The following ANKRD27 variants were observed in gnomAD, a reference collection of about 807,000 sequenced individuals.
ANKRD27 encodes ankyrin repeat domain 27.
A neutral mutation model predicts 129.7 loss-of-function variants in ANKRD27; 112 were observed. The ratio of observed to expected loss-of-function variants is 0.86; its 90% CI spans 0.74 to 1.01. ANKRD27 has a LOEUF of 1.01. Ranked by LOEUF, ANKRD27 falls within the 50% of genes least tolerant of loss-of-function variation. The pLI, the probability that ANKRD27 is intolerant of heterozygous loss-of-function variation, is 0.00. For synonymous variants in ANKRD27, 516 were observed against 511.2 expected (o/e 1.01, Z -0.13); for missense variants, 1,258 against 1,300.5 (o/e 0.97, Z 0.50).
At chr19:32,629,569 A>G (rs1966952953) in intron 13 of ANKRD27, among the ~76,000 whole-genome samples, 2 of 152,122 alleles carry the variant, frequency 1.3e-5, no homozygotes, top group Non-Finnish European at 1.5e-5. Flanking sequence ...ATGTGGTGGC[A>G]GACGCCTGTA....
rs1465785952 is a variant in ANKRD27, at chr19:32,617,615, C to T, written c.2026G>A (p.Ala676Thr). 6 of 755,784 alleles carry T rather than the reference C, an allele frequency of 7.9e-6. No homozygotes were observed. The highest frequency in any genetic ancestry group is 1.7e-5 in the African/African-American group (1 of 57,676). 46.8% of individuals were successfully genotyped at this position (755,784 alleles called of 1,614,324 possible). Reference protein sequence around the residue: ...DYREVEKLLRAVADGDLEMVR... With the variant: ...DYREVEKLLRTVADGDLEMVR... The stretch of plus-strand genomic sequence containing the variant: ...ATTTCTAGATCTCCATCAGCAACTG[C>T]TCTCAAAAGTTTTTCTACCTTAATA... The change falls in exon 21 of 29, where the codon GCA becomes ACA. Residue 676 changes from alanine to threonine, a missense_variant. Transcript: ENST00000306065.
intron 18 of ANKRD27, among the ~76,000 whole-genome samples, chr19:32,620,997 A>G (rs949451752): frequency 6.6e-6 from 1 of 152,080 alleles, no homozygotes; most frequent in African/African-American, 2.4e-5. Flanking sequence ...ACTCTTCTCT[A>G]AACTCATCAA....
intron 28 of ANKRD27, 81 bp downstream of exon 28, chr19:32,599,623 G>A (rs956884111): frequency 3.2e-6 from 4 of 1,248,122 alleles, no homozygotes; most frequent in African/African-American, 3.0e-5. Flanking sequence ...TGACGATCAA[G>A]GAGACGTGTT....
chr19:32,619,331 A>G lies in ANKRD27; in HGVS notation c.1936T>C (p.Ser646Pro). Residue 646 changes from serine to proline, a missense_variant, in exon 20 of 29, where the codon TCC becomes CCC. Transcript: ENST00000306065. ...QRSVDSISQE[S>P]STSSFSSMSA... ...ATGGAGGAGAAGCTGGAAGTGGAGG[A>G]CTCTTGGCTGATGGAGTCCACGGAG... is the stretch of plus-strand genomic sequence containing the variant. 1.9e-6 allele frequency: 3 copies of G among 1,613,510 alleles called. No homozygotes were observed. The highest frequency in any genetic ancestry group is 2.5e-6 in the Non-Finnish European group (3 of 1,179,864).
intron 4 of ANKRD27, 84 bp from the exon 5 acceptor site, chr19:32,644,563 T>TG: frequency 6.8e-7 from 1 of 1,461,340 alleles, no homozygotes; most frequent in Non-Finnish European, 9.3e-7. Context: ...CTAGGCCCTC[T>TG]GGGGAGGAGG....
intron 11 of ANKRD27, 37 bp from the exon 12 acceptor site, chr19:32,639,525 T>C (rs372471335): frequency 2.6e-4 from 422 of 1,597,118 alleles, no homozygotes; most frequent in Non-Finnish European, 3.4e-4. Flanking sequence ...TTGTTGTCTA[T>C]CCAAGTCACA....
rs1160991882 is a variant in ANKRD27 at position 32,604,314 on chromosome 19, T to C, written c.2604A>G (p.Ser868=). Residue 868 remains serine, a synonymous_variant, in exon 25 of 29, where the codon TCA becomes TCG. Coordinates refer to ENST00000306065, the MANE Select transcript of ANKRD27 (RefSeq NM_032139.3). ...GCTGCCGCTTGTTCAGCACCTGAAC[T>C]GACGCTCCGTGGAGCAGAAGCAGCT... The part of the protein sequence containing the change: ...VVELLLLHGA[S]VQVLNKRQRT... 6.2e-7 allele frequency: 1 copy of C among 1,613,962 alleles called. No individual in the cohort carries two copies. Among genetic ancestry groups the C allele is most frequent in the Admixed American group, 1.7e-5 (1 of 60,032 alleles).
chr19:32,624,341 T>C (rs1016672981), intron 17 of ANKRD27, among the ~76,000 whole-genome samples: 1 of 142,622 alleles, frequency 7.0e-6, no homozygotes, highest in Non-Finnish European at 1.5e-5. Flanking sequence ...CACTCCAGCC[T>C]GGGCAACAGA....
intron 1 of ANKRD27, among the ~76,000 whole-genome samples, chr19:32,663,794 C>T (rs1414091959): frequency 6.6e-6 from 1 of 152,080 alleles, no homozygotes; most frequent in Admixed American, 6.6e-5. Context: ...TGGTGGCTCA[C>T]GCCTGTAATC....
At chr19:32,669,008 C>T (rs901659297) in intron 1 of ANKRD27, among the ~76,000 whole-genome samples, 3 of 151,944 alleles carry the variant, frequency 2.0e-5, no homozygotes, top group Non-Finnish European at 4.4e-5. Context: ...GATGGTGTCT[C>T]GCTATGTGGC....
chr19:32,649,714 C>T lies in ANKRD27; in HGVS notation c.181G>A (p.Val61Met). Residue 61 changes from valine (V) to methionine (M), a missense_variant, in exon 3 of 29, where the codon GTG (valine) becomes ATG (methionine). Transcript: ENST00000306065. ...CQFESYILIPVEEHFQTLNGK... is the reference protein window; with the variant it reads ...CQFESYILIPMEEHFQTLNGK... ...TTTAAGGTCTGAAAATGCTCTTCCA[C>T]AGGTATCAAAATGTAGGACTCAAAC... 6.2e-7 allele frequency: 1 copy of T among 1,613,786 alleles called. No homozygotes were observed. Among genetic ancestry groups the T allele is most frequent in the Non-Finnish European group, 8.5e-7 (1 of 1,179,786 alleles).
intron 3 of ANKRD27, among the ~76,000 whole-genome samples, chr19:32,647,068 C>T (rs1967317325): frequency 1.3e-5 from 2 of 152,180 alleles, no homozygotes; most frequent in Admixed American, 6.5e-5. Flanking sequence ...TCAGGTGATC[C>T]GCCCGCCTTG....
At chr19:32,652,590 G>A (rs1413287986) in intron 2 of ANKRD27, among the ~76,000 whole-genome samples, 2 of 151,570 alleles carry the variant, frequency 1.3e-5, no homozygotes, top group African/African-American at 2.4e-5. Flanking sequence ...GTAGGGTGTG[G>A]GGTTGGGGGA....
At chr19:32,673,849 G>A (rs1023494413) in intron 1 of ANKRD27, among the ~76,000 whole-genome samples, 4 of 152,038 alleles carry the variant, frequency 2.6e-5, no homozygotes, top group Admixed American at 6.6e-5. Context: ...ATCTCGAAAC[G>A]TAACAGCTAC....
intron 1 of ANKRD27, among the ~76,000 whole-genome samples, chr19:32,663,693 G>C (rs1967688995): frequency 1.3e-5 from 2 of 152,114 alleles, no homozygotes; most frequent in Non-Finnish European, 2.9e-5. Flanking sequence ...TCACATGTGA[G>C]AAATACAATT....
chr19:32,605,531 AGGC>A (rs1233016117), intron 24 of ANKRD27, among the ~76,000 whole-genome samples: 1 of 152,202 alleles, frequency 6.6e-6, no homozygotes, highest in Non-Finnish European at 1.5e-5. Flanking sequence ...GCAGGGACAG[AGGC>A]GGCCACTCAG....
intron 9 of ANKRD27, 196 bp downstream of exon 9, chr19:32,642,927 T>G: frequency 1.6e-6 from 1 of 607,360 alleles, no homozygotes; most frequent in Non-Finnish European, 2.9e-6. Flanking sequence ...GCTGGTGCAG[T>G]GTGGGAGGGG....
chr19:32,626,031 T>C, intron 16 of ANKRD27, 65 bp from the exon 17 acceptor site: 1 of 1,361,074 alleles, frequency 7.3e-7, no homozygotes, highest in Non-Finnish European at 9.9e-7. Context: ...CGGCCTCCAG[T>C]CTTAGCAGGG....
chr19:32,633,261 C>T (rs546956809), intron 12 of ANKRD27, among the ~76,000 whole-genome samples: 12 of 151,368 alleles, frequency 7.9e-5, no homozygotes, highest in Middle Eastern at 3.4e-3. Flanking sequence ...AACCCAGTAA[C>T]GTAAGGAAGG....
Sources: gnomAD v4.1 joint callset for allele counts (sites outside exome capture counted in the v4.1 genomes callset) on GRCh38, gnomAD v4.1.1 for gene constraint, MANE v1.5 for transcripts, NCBI Gene and HGNC (gene_info 2026-07-23, HGNC 2026-07-21) for gene names.